The following CTNND2 variants were observed in gnomAD, a reference collection of about 807,000 sequenced individuals.
CTNND2 encodes catenin delta-2.
CTNND2 carries 22 observed loss-of-function variants against 144.4 expected under a neutral mutation model. That is an observed-to-expected ratio of 0.15 (90% CI 0.11 to 0.22). The LOEUF (loss-of-function observed/expected upper bound fraction) is 0.22, where lower values mean the gene tolerates loss of function less well. Among genes scored for constraint, CTNND2 ranks in the 10% least tolerant of loss-of-function variants. The probability of loss-of-function intolerance (pLI) is 1.00; values close to 1 mark genes in which losing one functional copy is unlikely to be tolerated. For missense variants in CTNND2, 1,353 were observed against 1,618.8 expected (o/e 0.84, Z 2.82); for synonymous variants, 751 against 695.6 (o/e 1.08, Z -1.25).
chr5:11,747,163 C>G (rs899324100), intron 1 of CTNND2, among the ~76,000 whole-genome samples: 1 of 152,118 alleles, frequency 6.6e-6, no homozygotes, highest in Non-Finnish European at 1.5e-5. Flanking sequence ...TTCCCCCAGA[C>G]AACACAAATA....
At chr5:11,891,087 G>T (rs1291550712) in intron 1 of CTNND2, among the ~76,000 whole-genome samples, 3 of 152,170 alleles carry the variant, frequency 2.0e-5, no homozygotes, top group East Asian at 1.9e-4. Flanking sequence ...AAGGTGACAA[G>T]AAGTGGGAGG....
intron 3 of CTNND2, among the ~76,000 whole-genome samples, chr5:11,461,662 C>T (rs557574326): frequency 3.4e-4 from 52 of 152,228 alleles, no homozygotes; most frequent in African/African-American, 1.0e-3. Context: ...AACTCATGGA[C>T]TTTCCAAGCT....
At chr5:11,205,107 C>T (rs1186117274) in intron 10 of CTNND2, among the ~76,000 whole-genome samples, 2 of 152,078 alleles carry the variant, frequency 1.3e-5, no homozygotes, top group Non-Finnish European at 2.9e-5. Flanking sequence ...TGGGTTCATG[C>T]TGAAAGAAAC....
intron 2 of CTNND2, among the ~76,000 whole-genome samples, chr5:11,667,174 C>T (rs1334134349): frequency 1.3e-5 from 2 of 152,282 alleles, no homozygotes; most frequent in East Asian, 3.9e-4. Flanking sequence ...CACTGATGGG[C>T]ATTTGAGTCA....
At chr5:11,808,407 C>T (rs1160804243) in intron 1 of CTNND2, among the ~76,000 whole-genome samples, 1 of 152,134 alleles carries the variant, frequency 6.6e-6, no homozygotes, top group Non-Finnish European at 1.5e-5. Flanking sequence ...ACAGAGCCAT[C>T]AGGACAAGAT....
At chr5:11,399,425 A>T (rs1319511349) in intron 5 of CTNND2, among the ~76,000 whole-genome samples, 1 of 152,244 alleles carries the variant, frequency 6.6e-6, no homozygotes, top group Non-Finnish European at 1.5e-5. Context: ...TCTTTCAAAG[A>T]GAATGCAGGA....
intron 19 of CTNND2, among the ~76,000 whole-genome samples, chr5:10,991,887 A>G (rs368460640): frequency 2.7e-4 from 41 of 152,342 alleles, no homozygotes; most frequent in Middle Eastern, 3.4e-3. Context: ...CCCAATTATG[A>G]CAAAATGCAA....
intron 1 of CTNND2, among the ~76,000 whole-genome samples, chr5:11,844,705 G>A (rs531621799): frequency 6.6e-6 from 1 of 152,202 alleles, no homozygotes; most frequent in Non-Finnish European, 1.5e-5. Context: ...TTCTGTGCCA[G>A]CATTTTGATG....
chr5:11,894,268 T>C (rs1398193510), intron 1 of CTNND2, among the ~76,000 whole-genome samples: 1 of 151,996 alleles, frequency 6.6e-6, no homozygotes, highest in Non-Finnish European at 1.5e-5. Flanking sequence ...TAGGGCTTCA[T>C]TCCACTCCCA....
chr5:11,691,264 G>A (rs970783085), intron 2 of CTNND2, among the ~76,000 whole-genome samples: 2 of 151,862 alleles, frequency 1.3e-5, no homozygotes, highest in Admixed American at 6.6e-5. Context: ...CCAGTTACTC[G>A]GGAGGCTGAG....
chr5:11,395,862 C>T (rs561084192), intron 6 of CTNND2, among the ~76,000 whole-genome samples: 1 of 152,350 alleles, frequency 6.6e-6, no homozygotes, highest in African/African-American at 2.4e-5. Flanking sequence ...CATAGTGGTG[C>T]CTGCACCAGG....
chr5:11,080,043 T>C (rs1749386192), intron 16 of CTNND2, among the ~76,000 whole-genome samples: 1 of 151,966 alleles, frequency 6.6e-6, no homozygotes, highest in South Asian at 2.1e-4. Context: ...AACCTACAGA[T>C]TGGGAGAAAA....
intron 7 of CTNND2, among the ~76,000 whole-genome samples, chr5:11,378,026 T>C (rs1758109235): frequency 6.6e-6 from 1 of 152,192 alleles, no homozygotes; most frequent in African/African-American, 2.4e-5. Flanking sequence ...CATGTCTGCC[T>C]TCCTGGGAGG....
chr5:11,626,929 T>C (rs2126452097), intron 2 of CTNND2, among the ~76,000 whole-genome samples: 1 of 152,312 alleles, frequency 6.6e-6, no homozygotes, highest in African/African-American at 2.4e-5. Context: ...TTTGGTGTGC[T>C]GGAGGCTCTC....
At chr5:11,024,980 T>C (rs1742668155) in intron 16 of CTNND2, among the ~76,000 whole-genome samples, 1 of 152,192 alleles carries the variant, frequency 6.6e-6, no homozygotes, top group African/African-American at 2.4e-5. Context: ...TGCCCCATGG[T>C]ATGGAAAAGA....
intron 2 of CTNND2, among the ~76,000 whole-genome samples, chr5:11,644,844 C>T (rs1028485004): frequency 6.6e-6 from 1 of 151,918 alleles, no homozygotes; most frequent in Non-Finnish European, 1.5e-5. Flanking sequence ...TGAAAATAAA[C>T]CTATTTTAAT....
intron 1 of CTNND2, among the ~76,000 whole-genome samples, chr5:11,750,833 A>G (rs781588711): frequency 6.6e-6 from 1 of 151,878 alleles, no homozygotes; most frequent in African/African-American, 2.4e-5. Flanking sequence ...TATCTTTGTT[A>G]ATATATTTTA....
intron 14 of CTNND2, among the ~76,000 whole-genome samples, chr5:11,102,042 T>C (rs1429172520): frequency 6.6e-6 from 1 of 152,098 alleles, no homozygotes; most frequent in Non-Finnish European, 1.5e-5. Flanking sequence ...CTGGGTTTCA[T>C]CTTGTTCCAG....
chr5:11,884,908 T>C (rs906071547), intron 1 of CTNND2, among the ~76,000 whole-genome samples: 1 of 148,934 alleles, frequency 6.7e-6, no homozygotes, highest in African/African-American at 2.4e-5. Context: ...TCTTCATCTA[T>C]TGAGATAATC....
Sources: gnomAD v4.1 joint callset for allele counts (sites outside exome capture counted in the v4.1 genomes callset) on GRCh38, gnomAD v4.1.1 for gene constraint, MANE v1.5 for transcripts, NCBI Gene and HGNC (gene_info 2026-07-23, HGNC 2026-07-21) for gene names.